The following APBA1 variants were observed in gnomAD, a reference collection of about 807,000 sequenced individuals.
APBA1 encodes amyloid-beta A4 precursor protein-binding family A member 1.
Under a neutral mutation model 86.6 loss-of-function variants are expected in APBA1, and 55 were observed. The observed-to-expected ratio is 0.64, with a 90% CI of 0.51 to 0.80. The LOEUF (loss-of-function observed/expected upper bound fraction) is 0.80. Ranked by LOEUF, APBA1 falls within the 30% of genes least tolerant of loss-of-function variation. The pLI, the probability that APBA1 is intolerant of heterozygous loss-of-function variation, is 0.00. For missense variants in APBA1, 1,090 were observed against 1,183.0 expected (o/e 0.92, Z 1.15); for synonymous variants, 511 against 493.9 (o/e 1.03, Z -0.46).
chr9:69,642,711 A>G (rs1042950071), intron 1 of APBA1, among the ~76,000 whole-genome samples: 13 of 151,810 alleles, frequency 8.6e-5, no homozygotes, highest in Non-Finnish European at 1.5e-4. Context: ...TTTTTTGAGG[A>G]GATTAACATT....
intron 1 of APBA1, among the ~76,000 whole-genome samples, chr9:69,533,622 A>G (rs1412736786): frequency 2.0e-5 from 3 of 150,962 alleles, no homozygotes; most frequent in Non-Finnish European, 4.4e-5. Flanking sequence ...TTCAAGAGTG[A>G]TGTCTCTGTT....
intron 1 of APBA1, among the ~76,000 whole-genome samples, chr9:69,610,362 A>G (rs1822562302): frequency 6.6e-6 from 1 of 152,188 alleles, no homozygotes; most frequent in South Asian, 2.1e-4. Flanking sequence ...TCTTGGGACT[A>G]TAAAAGTATT....
intron 1 of APBA1, among the ~76,000 whole-genome samples, chr9:69,532,002 C>T (rs1393419314): frequency 6.6e-6 from 1 of 152,162 alleles, no homozygotes; most frequent in Non-Finnish European, 1.5e-5. Context: ...GCTCTAAGAA[C>T]AAGAATTTAA....
intron 1 of APBA1, among the ~76,000 whole-genome samples, chr9:69,636,930 A>AGAAGGAAG (rs1491213005): frequency 8.3e-4 from 26 of 31,480 alleles, no homozygotes; most frequent in South Asian, 1.9e-3. Flanking sequence ...AAGGAAAGAA[A>AGAAGGAAG]GAAAGAAAGA....
chr9:69,540,697 C>T (rs1237565821), intron 1 of APBA1, among the ~76,000 whole-genome samples: 1 of 152,176 alleles, frequency 6.6e-6, no homozygotes, highest in African/African-American at 2.4e-5. Flanking sequence ...TCTCCTGGCT[C>T]AAGCGGTTCT....
intron 1 of APBA1, among the ~76,000 whole-genome samples, chr9:69,578,279 A>G (rs1252329675): frequency 6.6e-6 from 1 of 152,130 alleles, no homozygotes; most frequent in Non-Finnish European, 1.5e-5. Flanking sequence ...AGCTGCTTCT[A>G]TGTCCCCACA....
intron 2 of APBA1, among the ~76,000 whole-genome samples, chr9:69,498,422 G>C (rs1835832833): frequency 6.6e-6 from 1 of 152,134 alleles, no homozygotes; most frequent in African/African-American, 2.4e-5. Flanking sequence ...GAAACTGTGA[G>C]ATAGTCAAGG....
At chr9:69,463,549 T>A (rs1835226134) in intron 5 of APBA1, 1 of 152,140 alleles carries the variant, frequency 6.6e-6, no homozygotes, top group South Asian at 2.1e-4. Flanking sequence ...GACACCACAA[T>A]CGACAAATGG....
At chr9:69,645,174 G>C (rs1426903175) in intron 1 of APBA1, among the ~76,000 whole-genome samples, 9 of 152,100 alleles carry the variant, frequency 5.9e-5, no homozygotes, top group Non-Finnish European at 1.3e-4. Flanking sequence ...ATTAGTCGAG[G>C]GGTTGAATAA....
rs547054334 is a variant in APBA1 at position 69,584,221 on chromosome 9, G to A, written c.-69-66942C>T. Among the ~76,000 whole-genome samples, 12 of 151,194 alleles carry A rather than the reference G, an allele frequency of 7.9e-5. No individual in the cohort carries two copies. In the South Asian group the frequency reaches 1.7e-3, roughly 21 times the overall value. ...TTTCCATCCATATGTGTACATCTCC[G>A]TGTGTGTGTGTGTGTAAAAGTATAT... On this transcript the variant is annotated intron_variant, in intron 1 of 12. Coordinates refer to ENST00000265381, the MANE Select transcript of APBA1 (RefSeq NM_001163.4).
intron 8 of APBA1, among the ~76,000 whole-genome samples, chr9:69,454,928 G>A (rs1404385280): frequency 2.6e-5 from 4 of 152,172 alleles, no homozygotes; most frequent in African/African-American, 9.7e-5. Context: ...GAGAATGGCA[G>A]GCAGAGGTAT....
At chr9:69,606,936 C>T (rs1048872191) in intron 1 of APBA1, among the ~76,000 whole-genome samples, 88 of 152,224 alleles carry the variant, frequency 5.8e-4, no homozygotes, top group African/African-American at 2.0e-3. Context: ...ATTTCCTGTC[C>T]TGCAGGTAAC....
At chr9:69,657,564 C>A (rs1287244923) in intron 1 of APBA1, among the ~76,000 whole-genome samples, 2 of 152,218 alleles carry the variant, frequency 1.3e-5, no homozygotes, top group Admixed American at 6.5e-5. Flanking sequence ...CATTATCCAA[C>A]TAATGATTAC....
At chr9:69,653,919 C>T (rs1317642923) in intron 1 of APBA1, among the ~76,000 whole-genome samples, 1 of 151,808 alleles carries the variant, frequency 6.6e-6, no homozygotes, top group Non-Finnish European at 1.5e-5. Flanking sequence ...ACCAGCCTGA[C>T]GAACATGGAG....
At chr9:69,605,206 A>G (rs1162968194) in intron 1 of APBA1, among the ~76,000 whole-genome samples, 1 of 152,180 alleles carries the variant, frequency 6.6e-6, no homozygotes, top group East Asian at 1.9e-4. Flanking sequence ...TTACCCCTGT[A>G]GAGAATTTTT....
intron 1 of APBA1, among the ~76,000 whole-genome samples, chr9:69,632,242 C>A (rs1484375394): frequency 7.2e-5 from 11 of 152,074 alleles, no homozygotes; most frequent in African/African-American, 2.7e-4. Context: ...ACCCAAAATT[C>A]TTCAGTTGGA....
intron 1 of APBA1, among the ~76,000 whole-genome samples, chr9:69,558,559 C>CATAT (rs1410749367): frequency 3.6e-5 from 5 of 137,558 alleles, no homozygotes; most frequent in African/African-American, 1.5e-4. Flanking sequence ...CACACACACA[C>CATAT]ACATATATAT....
intron 1 of APBA1, among the ~76,000 whole-genome samples, chr9:69,557,236 T>G (rs987451493): frequency 1.3e-5 from 2 of 152,214 alleles, no homozygotes; most frequent in African/African-American, 4.8e-5. Context: ...AGAGAATCTA[T>G]GGCCAAGTCT....
chr9:69,586,202 G>GCA (rs1357677565), intron 1 of APBA1, among the ~76,000 whole-genome samples: 8 of 152,106 alleles, frequency 5.3e-5, no homozygotes, highest in African/African-American at 1.9e-4. Context: ...GGCCTTTACA[G>GCA]CAACTAACTC....
Sources: gnomAD v4.1 joint callset for allele counts (sites outside exome capture counted in the v4.1 genomes callset) on GRCh38, gnomAD v4.1.1 for gene constraint, MANE v1.5 for transcripts, NCBI Gene and HGNC (gene_info 2026-07-23, HGNC 2026-07-21) for gene names.